Variants in EVA1A observed in about 807,000 individuals in gnomAD.
The protein encoded by EVA1A is eva-1 homolog A, regulator of programmed cell death.
A neutral mutation model predicts 9.8 loss-of-function variants in EVA1A; 7 were observed. The ratio of observed to expected loss-of-function variants is 0.71; its 90% CI spans 0.41 to 1.34. The LOEUF (loss-of-function observed/expected upper bound fraction) is 1.34. EVA1A is among the 40% of genes most tolerant of loss of function. EVA1A has a pLI of 0.01. For synonymous variants in EVA1A, 90 were observed against 85.6 expected (o/e 1.05, Z -0.28); for missense variants, 206 against 205.9 (o/e 1.00, Z 0.00).
At chr2:75,498,681 C>T (rs1674300967) in intron 3 of EVA1A, among the ~76,000 whole-genome samples, 1 of 152,102 alleles carries the variant, frequency 6.6e-6, no homozygotes, top group Admixed American at 6.5e-5. Flanking sequence ...TAATGTCTCA[C>T]CATTAGATTG....
intron 3 of EVA1A, among the ~76,000 whole-genome samples, chr2:75,517,056 A>G (rs1675034243): frequency 1.3e-5 from 2 of 152,156 alleles, no homozygotes. Flanking sequence ...GCCCAGAACA[A>G]GACCCTGAGC....
At chr2:75,533,156 A>AG (rs1379111602) in intron 1 of EVA1A, among the ~76,000 whole-genome samples, 3 of 151,884 alleles carry the variant, frequency 2.0e-5, no homozygotes, top group African/African-American at 7.3e-5. Flanking sequence ...CTTTAAAAAA[A>AG]AAAAAAGAAA....
chr2:75,500,906 C>T (rs945591446), intron 3 of EVA1A, among the ~76,000 whole-genome samples: 3 of 151,994 alleles, frequency 2.0e-5, no homozygotes, highest in South Asian at 2.1e-4. Flanking sequence ...GCCATTTCCC[C>T]GCACCTGCAG....
chr2:75,503,584 T>C (rs947690598), intron 3 of EVA1A, among the ~76,000 whole-genome samples: 10 of 152,164 alleles, frequency 6.6e-5, no homozygotes, highest in Admixed American at 2.0e-4. Context: ...TCCATGCAAG[T>C]GCAACCTTCT....
upstream of EVA1A, chr2:75,561,360 T>C (rs1350108325): frequency 1.4e-5 from 2 of 144,832 alleles, no homozygotes; most frequent in African/African-American, 5.2e-5. Flanking sequence ...ACTTACTTTG[T>C]TAAATTTGAT....
chr2:75,511,003 G>T (rs910497642), intron 3 of EVA1A, among the ~76,000 whole-genome samples: 2 of 152,186 alleles, frequency 1.3e-5, no homozygotes, highest in African/African-American at 4.8e-5. Flanking sequence ...AAGTTGAGTT[G>T]TTACAGCAGA....
chr2:75,551,901 C>T (rs1326164146), intron 1 of EVA1A, among the ~76,000 whole-genome samples: 3 of 152,176 alleles, frequency 2.0e-5, no homozygotes, highest in Admixed American at 6.5e-5. Context: ...TGTTTGTGGG[C>T]CGGGCACCGT....
chr2:75,506,625 G>GA, intron 3 of EVA1A, among the ~76,000 whole-genome samples: 2 of 152,304 alleles, frequency 1.3e-5, no homozygotes, highest in East Asian at 3.9e-4. Flanking sequence ...TCTATGCAGG[G>GA]AGGATGCACA....
intron 3 of EVA1A, among the ~76,000 whole-genome samples, chr2:75,502,500 T>A (rs1318933875): frequency 2.0e-5 from 3 of 152,156 alleles, no homozygotes; most frequent in Non-Finnish European, 4.4e-5. Context: ...TAAGAATGCT[T>A]AAAAATATTA....
intron 1 of EVA1A, among the ~76,000 whole-genome samples, chr2:75,543,312 C>T (rs767880090): frequency 1.8e-4 from 27 of 152,236 alleles, no homozygotes; most frequent in South Asian, 8.3e-4. Flanking sequence ...CCCAGTACAC[C>T]GGAGACATCT....
At chr2:75,496,306 C>T (rs1674210324) in intron 3 of EVA1A, among the ~76,000 whole-genome samples, 1 of 152,156 alleles carries the variant, frequency 6.6e-6, no homozygotes, top group African/African-American at 2.4e-5. Context: ...TGCCAAAAGG[C>T]TCCTCAAACA....
intron 1 of EVA1A, among the ~76,000 whole-genome samples, chr2:75,533,479 G>A (rs952919511): frequency 9.2e-5 from 14 of 152,078 alleles, no homozygotes; most frequent in Non-Finnish European, 1.2e-4. Flanking sequence ...AATTACTAAA[G>A]TCCTCTAAAA....
Position 75,493,410 on chromosome 2 carries a change from G to A in EVA1A, c.285C>T (p.Leu95=). ...EDGSEDTVSD[L]SVRRHRRFER... is the part of the protein sequence containing the mutation. ...CGAAGCGGCGGTGTCTCCGCACGGA[G>A]AGATCGGACACGGTGTCCTCACTGC... The change falls in exon 4 of 4, where the codon CTC becomes CTT. Residue 95 remains leucine (L), a synonymous_variant. Transcript: ENST00000393913. The A allele has an allele frequency of 6.2e-7, 1 of 1,614,250 alleles. No individual in the cohort carries two copies. The highest frequency in any genetic ancestry group is 8.5e-7 in the Non-Finnish European group (1 of 1,180,050).
intron 1 of EVA1A, among the ~76,000 whole-genome samples, chr2:75,535,717 T>C (rs1013224481): frequency 6.6e-6 from 1 of 152,098 alleles, no homozygotes; most frequent in African/African-American, 2.4e-5. Flanking sequence ...CTCTTACAAG[T>C]AGGAGCTAAG....
At chr2:75,498,952 C>T (rs1674313562) in intron 3 of EVA1A, among the ~76,000 whole-genome samples, 1 of 152,140 alleles carries the variant, frequency 6.6e-6, no homozygotes. Context: ...CAGAACAGCC[C>T]ATGAACTCCA....
At chr2:75,526,186 T>C (rs1028793188) in intron 1 of EVA1A, 4 of 152,208 alleles carry the variant, frequency 2.6e-5, no homozygotes, top group Admixed American at 2.6e-4. Context: ...TGGTCAGCGA[T>C]CTACCTACCT....
intron 3 of EVA1A, among the ~76,000 whole-genome samples, chr2:75,498,188 A>C (rs1674280723): frequency 6.6e-6 from 1 of 151,742 alleles, no homozygotes; most frequent in African/African-American, 2.4e-5. Flanking sequence ...AGCAACATGG[A>C]TGCAGCTGAA....
chr2:75,532,900 T>C (rs1675717731), intron 1 of EVA1A, among the ~76,000 whole-genome samples: 1 of 152,168 alleles, frequency 6.6e-6, no homozygotes, highest in Non-Finnish European at 1.5e-5. Context: ...CCCAGCACTT[T>C]GGGAAGCCGA....
At chr2:75,551,794 C>T (rs1287509881) in intron 1 of EVA1A, among the ~76,000 whole-genome samples, 2 of 152,208 alleles carry the variant, frequency 1.3e-5, no homozygotes, top group Non-Finnish European at 2.9e-5. Context: ...AGTACACACT[C>T]AATAAACATT....
Sources: gnomAD v4.1 joint callset for allele counts (sites outside exome capture counted in the v4.1 genomes callset) on GRCh38, gnomAD v4.1.1 for gene constraint, MANE v1.5 for transcripts, NCBI Gene and HGNC (gene_info 2026-07-23, HGNC 2026-07-21) for gene names.